The following PTPRN2 variants were observed in gnomAD, a reference collection of about 807,000 sequenced individuals.
PTPRN2 encodes receptor-type tyrosine-protein phosphatase N2.
In PTPRN2, 74 loss-of-function variants were observed where a neutral mutation model predicts 118.8. The ratio of observed to expected loss-of-function variants is 0.62; its 90% CI spans 0.52 to 0.76. The LOEUF (loss-of-function observed/expected upper bound fraction) is 0.76, where lower values mean the gene tolerates loss of function less well. Among genes scored for constraint, PTPRN2 ranks in the 30% least tolerant of loss-of-function variants. The probability of loss-of-function intolerance (pLI) is 0.00; values close to 1 mark genes in which losing one functional copy is unlikely to be tolerated. For synonymous variants in PTPRN2, 641 were observed against 608.0 expected (o/e 1.05, Z -0.80); for missense variants, 1,481 against 1,394.4 (o/e 1.06, Z -0.99).
chr7:157,823,272 C>T lies in PTPRN2; in HGVS notation c.1788+75401G>A, dbSNP rs145926873. The stretch of plus-strand genomic sequence containing the variant: ...AAATACCTAAAATACTAAAGCCTGG[C>T]AAAATAACAAATTATTAGAATAAGT... On this transcript the variant is annotated intron_variant, in intron 12 of 22. Transcript: ENST00000389418. Among the ~76,000 whole-genome samples, 796 of 152,264 alleles carry T rather than the reference C, an allele frequency of 5.2e-3. 21 individuals are homozygous for T. In the South Asian group the frequency reaches 0.082, roughly 16 times the overall value.
chr7:157,768,237 G>A (rs907497075), intron 12 of PTPRN2, among the ~76,000 whole-genome samples: 25 of 152,242 alleles, frequency 1.6e-4, no homozygotes, highest in Non-Finnish European at 2.9e-5. Flanking sequence ...CCAGAGCACA[G>A]GAGATGCAGA....
chr7:158,481,007 T>G (rs1391109793), intron 2 of PTPRN2, among the ~76,000 whole-genome samples: 1 of 152,218 alleles, frequency 6.6e-6, no homozygotes, highest in Admixed American at 6.5e-5. Context: ...AACAACAGAT[T>G]TTCAATGTAG....
rs148748645 is a variant in PTPRN2, at chr7:157,674,547, G to T, written c.2001+8178C>A. On this transcript the variant is annotated intron_variant, in intron 13 of 22. Coordinates refer to ENST00000389418, the MANE Select transcript of PTPRN2 (RefSeq NM_002847.5). This position sits in a 1 kb window ranked among gnomAD's most constrained non-coding sequence, Gnocchi z 4.5. The stretch of plus-strand genomic sequence containing the variant: ...GCAGCGTCTTGCCTCCTTTTATGCC[G>T]GTGTACGTGTTGTGTTAAGAGCTGG... Among the ~76,000 whole-genome samples the T allele has an allele frequency of 1.5e-4, 23 of 152,326 alleles. No individual in the cohort carries two copies. In the South Asian group the frequency reaches 4.8e-3, roughly 32 times the overall value.
At position 158,327,392 on chromosome 7, in the gene PTPRN2, C is replaced by T. The variant is rs370530913; in HGVS notation, c.164-10460G>A. 5.1e-4 allele frequency among the ~76,000 whole-genome samples: 77 copies of T among 151,596 alleles called. 1 individual carries two copies. The East Asian group carries it at 0.012, about 23-fold the overall frequency. ...ACACACACATTATCACATGCACACACATGCTCACACATGCTCACACATGTA... is the reference window on the plus strand; with the variant it reads ...ACACACACATTATCACATGCACACATATGCTCACACATGCTCACACATGTA... On this transcript the variant is annotated intron_variant, in intron 2 of 22. Transcript: ENST00000389418.
At chr7:157,980,548 C>G (rs149241001) in intron 11 of PTPRN2, among the ~76,000 whole-genome samples, 1 of 152,212 alleles carries the variant, frequency 6.6e-6, no homozygotes, top group East Asian at 1.9e-4. Context: ...GTCAGGACTT[C>G]GAGACCAGCC....
intron 2 of PTPRN2, among the ~76,000 whole-genome samples, chr7:158,477,994 A>G (rs1282247021): frequency 6.6e-6 from 1 of 152,230 alleles, no homozygotes; most frequent in Non-Finnish European, 1.5e-5. Context: ...AGAAGGGGAG[A>G]GAGCGCTGGT....
chr7:158,255,008 C>T (rs1796935595), intron 3 of PTPRN2, among the ~76,000 whole-genome samples: 1 of 152,224 alleles, frequency 6.6e-6, no homozygotes, highest in Non-Finnish European at 1.5e-5. Flanking sequence ...CCCTCCCCTG[C>T]TGTCTTTCCT....
At chr7:158,407,931 C>G (rs1813731002) in intron 2 of PTPRN2, among the ~76,000 whole-genome samples, 1 of 152,236 alleles carries the variant, frequency 6.6e-6, no homozygotes, top group African/African-American at 2.4e-5. Flanking sequence ...GTCTACAGAG[C>G]TTGTGTGCAA....
chr7:157,621,918 A>G (rs1803277181), intron 14 of PTPRN2, among the ~76,000 whole-genome samples: 4 of 152,084 alleles, frequency 2.6e-5, no homozygotes, highest in African/African-American at 9.7e-5. Flanking sequence ...ACTGGGTGTG[A>G]TGCAGTTGAG....
At chr7:157,935,355 G>A (rs1308309536) in intron 11 of PTPRN2, among the ~76,000 whole-genome samples, 5 of 152,056 alleles carry the variant, frequency 3.3e-5, no homozygotes, top group Middle Eastern at 3.2e-3. Flanking sequence ...CTTCAGATGC[G>A]ATCATTTCTG....
At chr7:158,188,208 CGCCGCCTGATGGGGAAGGCCGCCACGCTT>C (rs1340069395) in intron 5 of PTPRN2, among the ~76,000 whole-genome samples, 2,185 of 71,744 alleles carry the variant, frequency 0.03, 150 homozygotes, top group Non-Finnish European at 0.044. Context: ...CCGCCACGCT[CGCCGCCTGATGGGGAAGGCCGCCACGCTT>C]GCCCCGCGAT....
At chr7:157,932,514 A>G (rs938688370) in intron 11 of PTPRN2, among the ~76,000 whole-genome samples, 4 of 152,136 alleles carry the variant, frequency 2.6e-5, no homozygotes, top group African/African-American at 9.7e-5. Context: ...ACTCACTTGA[A>G]TTGACAGTTT....
intron 12 of PTPRN2, among the ~76,000 whole-genome samples, chr7:157,706,825 C>A (rs192360781): frequency 6.6e-6 from 1 of 150,926 alleles, no homozygotes; most frequent in Non-Finnish European, 1.5e-5. Flanking sequence ...TCCAGATCAA[C>A]GTGACCACAT....
intron 12 of PTPRN2, among the ~76,000 whole-genome samples, chr7:157,743,193 G>C (rs577429929): frequency 1.3e-5 from 2 of 152,220 alleles, no homozygotes; most frequent in Non-Finnish European, 1.5e-5. Flanking sequence ...CTCTTGGGGT[G>C]AGGGCAGGGG....
intron 2 of PTPRN2, among the ~76,000 whole-genome samples, chr7:158,414,759 T>G (rs1032919008): frequency 2.0e-5 from 3 of 152,196 alleles, no homozygotes; most frequent in African/African-American, 7.2e-5. Context: ...GGGAGCTGTG[T>G]TGAAAGTGGG....
chr7:158,080,770 C>T (rs536692228), intron 11 of PTPRN2, among the ~76,000 whole-genome samples: 16 of 152,286 alleles, frequency 1.1e-4, no homozygotes, highest in African/African-American at 3.6e-4. Flanking sequence ...TGCCCAGAAC[C>T]CTGGGCTCTA....
Position 157,656,401 on chromosome 7 carries a change from G to T in PTPRN2, c.2152C>A (p.Pro718Thr). Residue 718 changes from proline to threonine, a missense_variant, in exon 14 of 23, where the codon CCT (proline) becomes ACT (threonine). Physicochemically the swap from Pro to Thr is conservative, Grantham distance 38. Around this residue, in one of 3 missense-constraint regions of PTPRN2, gnomAD observed 1,115 missense variants for 994.2 expected, o/e 1.12. Transcript: ENST00000389418. Reference sequence around the variant, plus strand: ...GAGATGTCCATGTTGGACTGCACAGGCTCCTCGGACCAGGATGAGGCGCTG... The same window carrying T: ...GAGATGTCCATGTTGGACTGCACAGTCTCCTCGGACCAGGATGAGGCGCTG... ...RSSASSWSEE[P>T]VQSNMDISTG... 1 of 1,552,832 alleles carries T rather than the reference G, an allele frequency of 6.4e-7. No homozygotes were observed.
At chr7:158,186,640 C>CCACCTGCCCCCTCTGG (rs1021163159) in intron 5 of PTPRN2, among the ~76,000 whole-genome samples, 1 of 151,770 alleles carries the variant, frequency 6.6e-6, no homozygotes, top group Non-Finnish European at 1.5e-5. Context: ...CCCGCCTGGG[C>CCACCTGCCCCCTCTGG]CACCTGCCCC....
intron 22 of PTPRN2, among the ~76,000 whole-genome samples, chr7:157,547,578 G>T (rs113288982): frequency 6.6e-6 from 1 of 152,046 alleles, no homozygotes; most frequent in South Asian, 2.1e-4. Flanking sequence ...CGACAGCCTC[G>T]CAACACATGC....
Sources: allele counts gnomAD v4.1 joint callset (sites outside exome capture counted in the v4.1 genomes callset), GRCh38; gene constraint gnomAD v4.1.1; regional missense constraint gnomAD v4.1.1; non-coding constraint Gnocchi (gnomAD v3.1); transcripts MANE v1.5; gene names NCBI Gene and HGNC (gene_info 2026-07-23, HGNC 2026-07-21).